The following TBC1D22A variants were observed in gnomAD, a reference collection of about 807,000 sequenced individuals.
The protein encoded by TBC1D22A is putative GTPase activator.
A neutral mutation model predicts 60.2 loss-of-function variants in TBC1D22A; 38 were observed. The observed-to-expected ratio is 0.63, with a 90% CI of 0.49 to 0.83. TBC1D22A has a LOEUF of 0.83. TBC1D22A is among the 40% of genes least tolerant of loss of function. The probability of loss-of-function intolerance (pLI) is 0.00; values close to 1 mark genes in which losing one functional copy is unlikely to be tolerated. For missense variants in TBC1D22A, 628 were observed against 701.0 expected (o/e 0.90, Z 1.18); for synonymous variants, 302 against 281.7 (o/e 1.07, Z -0.72).
At chr22:46,865,639 T>C (rs910251417) in intron 4 of TBC1D22A, among the ~76,000 whole-genome samples, 2 of 152,216 alleles carry the variant, frequency 1.3e-5, no homozygotes, top group Non-Finnish European at 2.9e-5. Context: ...ATTTGTCTTG[T>C]CTGCGCACAT....
intron 12 of TBC1D22A, among the ~76,000 whole-genome samples, chr22:47,139,195 G>A (rs1285701040): frequency 1.3e-5 from 2 of 152,286 alleles, no homozygotes; most frequent in East Asian, 1.9e-4. Context: ...TCACCGTTCC[G>A]CTCCTGCAGC....
intron 10 of TBC1D22A, among the ~76,000 whole-genome samples, chr22:46,999,941 C>T (rs920048182): frequency 2.0e-5 from 3 of 152,144 alleles, no homozygotes; most frequent in East Asian, 1.9e-4. Flanking sequence ...AGAAGACTGG[C>T]GTGAACCCGG....
chr22:47,124,419 G>A (rs1035583042), intron 12 of TBC1D22A, among the ~76,000 whole-genome samples: 2 of 152,200 alleles, frequency 1.3e-5, no homozygotes, highest in African/African-American at 4.8e-5. Context: ...GGCTGCCCAC[G>A]CCAGGCCCTC....
intron 10 of TBC1D22A, among the ~76,000 whole-genome samples, chr22:47,018,623 C>T (rs1355067112): frequency 6.6e-6 from 1 of 152,104 alleles, no homozygotes; most frequent in African/African-American, 2.4e-5. Flanking sequence ...GGCCACGTCG[C>T]TGAGCACCAT....
At chr22:47,042,936 C>T (rs2062898578) in intron 11 of TBC1D22A, among the ~76,000 whole-genome samples, 1 of 152,252 alleles carries the variant, frequency 6.6e-6, no homozygotes, top group Non-Finnish European at 1.5e-5. Flanking sequence ...GGGGCCTGCA[C>T]TTTGCAGATG....
intron 10 of TBC1D22A, among the ~76,000 whole-genome samples, chr22:47,004,755 TCTC>T (rs2061525336): frequency 7.0e-6 from 1 of 143,686 alleles, no homozygotes; most frequent in Admixed American, 6.9e-5. Flanking sequence ...TACATACACA[TCTC>T]TATATACACA....
At chr22:47,010,815 C>CTTT (rs1569334275) in intron 10 of TBC1D22A, among the ~76,000 whole-genome samples, 1 of 151,638 alleles carries the variant, frequency 6.6e-6, no homozygotes, top group African/African-American at 2.4e-5. Context: ...AAGAGGGATG[C>CTTT]ATATAGAACA....
At chr22:47,104,941 T>G (rs982399142) in intron 11 of TBC1D22A, among the ~76,000 whole-genome samples, 1 of 151,940 alleles carries the variant, frequency 6.6e-6, no homozygotes, top group Non-Finnish European at 1.5e-5. Flanking sequence ...TTGTCCCCCC[T>G]TTCTGGACCA....
intron 1 of TBC1D22A, among the ~76,000 whole-genome samples, chr22:46,766,616 A>G (rs2083295311): frequency 1.3e-5 from 2 of 152,086 alleles, no homozygotes; most frequent in African/African-American, 2.4e-5. Context: ...ACTCACTGCA[A>G]TCACTGCCTC....
intron 4 of TBC1D22A, among the ~76,000 whole-genome samples, chr22:46,833,628 C>G (rs1280540596): frequency 6.6e-6 from 1 of 152,224 alleles, no homozygotes; most frequent in Non-Finnish European, 1.5e-5. Flanking sequence ...AGGAACACAT[C>G]TGGCTGGAGT....
At chr22:46,918,719 CTG>C (rs1907464389) in intron 8 of TBC1D22A, among the ~76,000 whole-genome samples, 1 of 152,222 alleles carries the variant, frequency 6.6e-6, no homozygotes, top group South Asian at 2.1e-4. Flanking sequence ...GGCAAGCAAA[CTG>C]TCACATCAGC....
intron 9 of TBC1D22A, among the ~76,000 whole-genome samples, chr22:46,992,780 G>C (rs2074993613): frequency 6.6e-6 from 1 of 152,224 alleles, no homozygotes; most frequent in Non-Finnish European, 1.5e-5. Context: ...TCCTAGCTCT[G>C]TCCTTGCGTG....
chr22:46,993,474 A>G (rs1324805555), intron 9 of TBC1D22A, among the ~76,000 whole-genome samples: 2 of 152,340 alleles, frequency 1.3e-5, no homozygotes, highest in African/African-American at 2.4e-5. Context: ...TAATGTTAAT[A>G]TTATTACTAA....
At chr22:47,057,855 A>G (rs1050976681) in intron 11 of TBC1D22A, among the ~76,000 whole-genome samples, 10 of 152,174 alleles carry the variant, frequency 6.6e-5, no homozygotes, top group Admixed American at 3.9e-4. Context: ...GACCACATCA[A>G]AATGGTTACC....
At chr22:46,792,929 GCCCGGCC>G (rs2084482877) in intron 2 of TBC1D22A, 13 of 1,335,784 alleles carry the variant, frequency 9.7e-6, no homozygotes, top group Non-Finnish European at 1.3e-5. Flanking sequence ...AGCTGCTGGA[GCCCGGCC>G]CTGGCCTGTC....
At chr22:46,954,116 C>T (rs1438415425) in intron 8 of TBC1D22A, among the ~76,000 whole-genome samples, 1 of 152,216 alleles carries the variant, frequency 6.6e-6, no homozygotes, top group Non-Finnish European at 1.5e-5. Flanking sequence ...AGCAAGTCCA[C>T]AGGGCCCATA....
At chr22:46,808,846 G>A (rs1189115766) in intron 4 of TBC1D22A, among the ~76,000 whole-genome samples, 4 of 152,236 alleles carry the variant, frequency 2.6e-5, no homozygotes, top group Middle Eastern at 3.4e-3. Flanking sequence ...CACCCTCCTC[G>A]GCCTTCCAAA....
Position 46,837,559 on chromosome 22 carries a change from A to G in TBC1D22A, c.637+39939A>G, listed in dbSNP as rs146094449. ...AATATCAAGAATCTTGATATCACAC[A>G]ATGGTGTGATACTAGAAATAAAAGG... On this transcript the variant is annotated intron_variant, in intron 4 of 12. Transcript: ENST00000337137. Among the ~76,000 whole-genome samples, 3 of 152,330 alleles carry G rather than the reference A, an allele frequency of 2.0e-5. No individual in the cohort carries two copies. In the East Asian group the frequency reaches 5.8e-4, roughly 29 times the overall value.
intron 1 of TBC1D22A, among the ~76,000 whole-genome samples, chr22:46,784,863 T>C (rs1175688810): frequency 6.6e-6 from 1 of 152,272 alleles, no homozygotes; most frequent in East Asian, 1.9e-4. Flanking sequence ...CATGTTCTTA[T>C]TCCCATTTCC....
Sources: gnomAD v4.1 joint callset for allele counts (sites outside exome capture counted in the v4.1 genomes callset) on GRCh38, gnomAD v4.1.1 for gene constraint, MANE v1.5 for transcripts, NCBI Gene and HGNC (gene_info 2026-07-23, HGNC 2026-07-21) for gene names.